RARB: variants seen among roughly 807,000 people sequenced by gnomAD.
The protein encoded by RARB is retinoic acid receptor beta, also known as HBV-activated protein.
In RARB, 17 loss-of-function variants were observed where a neutral mutation model predicts 51.9. The ratio of observed to expected loss-of-function variants is 0.33; its 90% CI spans 0.22 to 0.49. The LOEUF (loss-of-function observed/expected upper bound fraction) is 0.49. RARB is among the 20% of genes least tolerant of loss of function. The probability of loss-of-function intolerance (pLI) is 0.99; values close to 1 mark genes in which losing one functional copy is unlikely to be tolerated. For missense variants in RARB, 369 were observed against 550.8 expected (o/e 0.67, Z 3.30); for synonymous variants, 215 against 195.4 (o/e 1.10, Z -0.84).
At chr3:25,026,793 A>G (rs115364816) in intron 2 of RARB, among the ~76,000 whole-genome samples, 1,596 of 152,296 alleles carry the variant, frequency 0.01, 22 homozygotes, top group South Asian at 0.017. Context: ...CTCCCACCTT[A>G]TCTAATTTCA....
At chr3:25,355,551 A>G (rs1029756370) in intron 5 of RARB, among the ~76,000 whole-genome samples, 40 of 152,124 alleles carry the variant, frequency 2.6e-4, no homozygotes, top group African/African-American at 9.6e-4. Context: ...TTTGACCTCT[A>G]CTACTAACCA....
At chr3:25,512,876 A>G (rs549917853) in intron 3 of RARB, among the ~76,000 whole-genome samples, 31 of 152,284 alleles carry the variant, frequency 2.0e-4, no homozygotes, top group Non-Finnish European at 3.8e-4. Context: ...CTCATCGCAC[A>G]GAAGGTCCCT....
At chr3:24,984,647 T>A (rs925492263) in intron 2 of RARB, among the ~76,000 whole-genome samples, 3 of 152,230 alleles carry the variant, frequency 2.0e-5, no homozygotes, top group Non-Finnish European at 4.4e-5. Context: ...TGCATTTATG[T>A]ATTTTGAATA....
chr3:25,543,148 G>A (rs370583146), intron 3 of RARB, among the ~76,000 whole-genome samples: 171 of 152,242 alleles, frequency 1.1e-3, no homozygotes, highest in African/African-American at 3.7e-3. Flanking sequence ...ATATTTGGCC[G>A]AAAATGTCAG....
At chr3:25,347,464 A>G (rs1705429034) in intron 5 of RARB, among the ~76,000 whole-genome samples, 1 of 152,206 alleles carries the variant, frequency 6.6e-6, no homozygotes, top group South Asian at 2.1e-4. Context: ...AAAATTATCA[A>G]TTATATATAA....
intron 2 of RARB, among the ~76,000 whole-genome samples, chr3:24,878,556 C>CAT (rs1703095097): frequency 6.6e-6 from 1 of 152,088 alleles, no homozygotes; most frequent in African/African-American, 2.4e-5. Flanking sequence ...TTGGCATTGA[C>CAT]ATTTGGGGAC....
intron 2 of RARB, among the ~76,000 whole-genome samples, chr3:24,979,541 C>G (rs1456632036): frequency 6.6e-6 from 1 of 151,692 alleles, no homozygotes; most frequent in Non-Finnish European, 1.5e-5. Flanking sequence ...TTTGTTTTAT[C>G]AGAGGCCAGG....
intron 5 of RARB, among the ~76,000 whole-genome samples, chr3:25,372,889 T>C (rs1706344495): frequency 6.6e-6 from 1 of 152,152 alleles, no homozygotes; most frequent in Non-Finnish European, 1.5e-5. Context: ...AATGGATAGA[T>C]TTGCAATATG....
chr3:25,280,317 C>A (rs1207194273), intron 5 of RARB, among the ~76,000 whole-genome samples: 1 of 152,138 alleles, frequency 6.6e-6, no homozygotes, highest in Non-Finnish European at 1.5e-5. Context: ...GGGAGGGCAA[C>A]TCTCAAATGA....
intron 1 of RARB, among the ~76,000 whole-genome samples, chr3:24,852,772 C>A (rs1002550935): frequency 6.6e-6 from 1 of 152,058 alleles, no homozygotes; most frequent in Admixed American, 6.5e-5. Context: ...AGTGTGATTC[C>A]ATTTATATGG....
At chr3:25,205,870 G>A (rs1296393286) in intron 5 of RARB, among the ~76,000 whole-genome samples, 1 of 151,834 alleles carries the variant, frequency 6.6e-6, no homozygotes, top group Non-Finnish European at 1.5e-5. Flanking sequence ...AGCTTCCTCA[G>A]TTAGTTAGGA....
At chr3:25,019,142 T>A (rs1697575507) in intron 2 of RARB, among the ~76,000 whole-genome samples, 1 of 152,180 alleles carries the variant, frequency 6.6e-6, no homozygotes, top group African/African-American at 2.4e-5. Context: ...ATGTCATACC[T>A]CATTTGAACA....
At chr3:24,869,688 T>G (rs1273095864) in intron 2 of RARB, among the ~76,000 whole-genome samples, 2 of 152,118 alleles carry the variant, frequency 1.3e-5, no homozygotes, top group East Asian at 3.9e-4. Context: ...GCACATTCAT[T>G]CTCTTTTGTT....
At chr3:25,442,455 A>G (rs1239733329) in intron 1 of RARB, among the ~76,000 whole-genome samples, 1 of 152,126 alleles carries the variant, frequency 6.6e-6, no homozygotes, top group Non-Finnish European at 1.5e-5. Flanking sequence ...ATTTTAATTA[A>G]TTTAACTTTC....
intron 5 of RARB, among the ~76,000 whole-genome samples, chr3:25,319,167 C>T (rs1704499127): frequency 6.6e-6 from 1 of 152,044 alleles, no homozygotes; most frequent in Non-Finnish European, 1.5e-5. Context: ...AAGTTTTATC[C>T]TCCGAATAGT....
At chr3:25,102,718 A>T (rs1699428003) in intron 3 of RARB, among the ~76,000 whole-genome samples, 1 of 152,084 alleles carries the variant, frequency 6.6e-6, no homozygotes, top group African/African-American at 2.4e-5. Context: ...GAGCTTTCTC[A>T]ATTTCTGAAT....
At chr3:24,898,553 C>A (rs1389458792) in intron 2 of RARB, among the ~76,000 whole-genome samples, 1 of 152,020 alleles carries the variant, frequency 6.6e-6, no homozygotes, top group East Asian at 1.9e-4. Context: ...ATGCGTAGAA[C>A]AAATACTGGA....
intron 5 of RARB, among the ~76,000 whole-genome samples, chr3:25,590,367 G>T (rs1307134694): frequency 6.6e-6 from 1 of 152,118 alleles, no homozygotes. Flanking sequence ...CAAATCTCTG[G>T]ATTCTTTCAT....
At chr3:25,155,588 T>C (rs762971062) in intron 4 of RARB, among the ~76,000 whole-genome samples, 4 of 152,246 alleles carry the variant, frequency 2.6e-5, no homozygotes, top group Non-Finnish European at 4.4e-5. Context: ...AGCTAGTTAA[T>C]TAAGTAGGTG....
Sources: allele counts gnomAD v4.1 joint callset (sites outside exome capture counted in the v4.1 genomes callset), GRCh38; gene constraint gnomAD v4.1.1; transcripts MANE v1.5; gene names NCBI Gene and HGNC (gene_info 2026-07-23, HGNC 2026-07-21).